VPS13D: variants seen among roughly 807,000 people sequenced by gnomAD.
VPS13D encodes intermembrane lipid transfer protein VPS13D.
Under a neutral mutation model 461.9 loss-of-function variants are expected in VPS13D, and 187 were observed. The observed-to-expected ratio is 0.40, with a 90% CI of 0.36 to 0.46. The LOEUF is 0.46. Among genes scored for constraint, VPS13D ranks in the 20% least tolerant of loss-of-function variants. The probability of loss-of-function intolerance (pLI) is 0.60; values close to 1 mark genes in which losing one functional copy is unlikely to be tolerated. For missense variants in VPS13D, 4,711 were observed against 5,364.9 expected (o/e 0.88, Z 3.81); for synonymous variants, 1,951 against 1,986.3 (o/e 0.98, Z 0.47).
In VPS13D at chr1:12,446,437, A is replaced by G. The variant is rs571440285; in HGVS notation, c.12334-9561A>G. ...CTCTCAAAAAAGAAAAAAAAAAAAA[A>G]GAACAATGGCAAAGATCAAGAGGAA... On this transcript the variant is annotated intron_variant, in intron 65 of 69. Transcript: ENST00000620676. Among the ~76,000 whole-genome samples, 259 of 151,974 alleles carry G rather than the reference A, an allele frequency of 1.7e-3. 1 individual carries two copies. The highest frequency in any genetic ancestry group is 2.9e-3 in the Non-Finnish European group (199 of 67,938).
intron 66 of VPS13D, among the ~76,000 whole-genome samples, chr1:12,459,318 G>A (rs902861650): frequency 6.6e-6 from 1 of 152,166 alleles, no homozygotes; most frequent in African/African-American, 2.4e-5. Flanking sequence ...ATACAGGACG[G>A]TGTGTGTAGG....
rs574610010 is a variant in VPS13D, at chr1:12,471,361, G to A, written c.12662+10965G>A. ...ATTTTTACCTGAATTATTTTGCTACGACAAATTTATCTTTCAAATTAGATT... is the reference window on the plus strand; with the variant it reads ...ATTTTTACCTGAATTATTTTGCTACAACAAATTTATCTTTCAAATTAGATT... On this transcript the variant is annotated intron_variant, in intron 67 of 69. Transcript: ENST00000620676. Among the ~76,000 whole-genome samples the A allele has an allele frequency of 2.0e-4, 30 of 152,236 alleles. No homozygotes were observed. The South Asian group carries it at 2.7e-3, about 14-fold the overall frequency.
At position 12,509,295 on chromosome 1, in the gene VPS13D, T is replaced by C. The variant is rs768529461; in HGVS notation, c.*271T>C. The C allele has an allele frequency of 7.5e-6, 3 of 400,470 alleles. No homozygotes were observed. Among genetic ancestry groups the C allele is most frequent in the Non-Finnish European group, 1.3e-5 (3 of 224,174 alleles). 24.8% of individuals were successfully genotyped at this position (400,470 alleles called of 1,614,324 possible). A position where few individuals can be genotyped will look rare whatever the true frequency, so the allele number is the denominator to read the frequency against. On this transcript the variant is annotated 3_prime_UTR_variant, in exon 70 of 70. Transcript: ENST00000620676. ...CATGTACTGAGATGAATCTAATTTT[T>C]AGATTGCCCTGTATTTTGTTAACAT...
In VPS13D at chr1:12,237,137, ATG is replaced by A. The variant is rs1201250325; in HGVS notation, c.97+2784_97+2785del. On this transcript the variant is annotated intron_variant, in intron 2 of 69. Coordinates refer to ENST00000620676, the MANE Select transcript of VPS13D (RefSeq NM_015378.4). ...TATATATATCTGTGTGTGTATATAT[ATG>A]TGTGTGTGTATATATATGTAGATTG... Among the ~76,000 whole-genome samples, 11 of 148,078 alleles carry A rather than the reference ATG, an allele frequency of 7.4e-5. No individual in the cohort carries two copies. In the East Asian group the frequency reaches 1.5e-3, roughly 21 times the overall value.
Position 12,322,604 on chromosome 1 carries a change from A to G in VPS13D, c.7773A>G (p.Lys2591=). The change falls in exon 34 of 70, where the codon AAA becomes AAG. Residue 2591 remains lysine (K), a synonymous_variant. Transcript: ENST00000620676. ...TTCAGCTGTTTCTTGCCATTGCAAA[A>G]TCCATCCCAGAGCAAGCTAATGCTG... ...NDVQLFLAIA[K]SIPEQANAAV... is the part of the protein sequence containing the mutation. The G allele has an allele frequency of 2.5e-6, 4 of 1,614,210 alleles. No individual in the cohort carries two copies. The highest frequency in any genetic ancestry group is 3.4e-6 in the Non-Finnish European group (4 of 1,180,038).
intron 67 of VPS13D, chr1:12,497,242 G>A (rs1645971624): frequency 7.9e-6 from 2 of 253,166 alleles, no homozygotes; most frequent in Non-Finnish European, 1.5e-5. Context: ...GAGAGAAAAC[G>A]GAAACTGAGG....
Position 12,433,270 on chromosome 1 carries a change from A to C in VPS13D, c.12333+16443A>C, listed in dbSNP as rs933528822. On this transcript the variant is annotated intron_variant, in intron 65 of 69. Transcript: ENST00000620676. Reference sequence around the variant, plus strand: ...TGGAACGCTTGGGGAAAAAAAAAAAACAAAAAAACAAAAAAACAACAACAA... The same window carrying C: ...TGGAACGCTTGGGGAAAAAAAAAAACCAAAAAAACAAAAAAACAACAACAA... Among the ~76,000 whole-genome samples the C allele has an allele frequency of 4.7e-5, 7 of 150,298 alleles. No individual in the cohort carries two copies. The South Asian group carries it at 8.4e-4, about 18-fold the overall frequency.
At chr1:12,385,218 G>A (rs1218632015) in intron 58 of VPS13D, 42 bp from the exon 59 acceptor site, 2 of 1,518,574 alleles carry the variant, frequency 1.3e-6, no homozygotes, top group Non-Finnish European at 1.8e-6. Flanking sequence ...TTTCAATAAG[G>A]AAGAGTGAAT....
Position 12,311,845 on chromosome 1 carries a change from G to A in VPS13D, c.6855G>A (p.Met2285Ile). 1 of 1,614,172 alleles carries A rather than the reference G, an allele frequency of 6.2e-7. No individual in the cohort carries two copies. The highest frequency in any genetic ancestry group is 8.5e-7 in the Non-Finnish European group (1 of 1,180,030). Residue 2285 changes from methionine (M) to isoleucine (I), a missense_variant, in exon 29 of 70, where the codon ATG becomes ATA. By Grantham distance (10) the Met-to-Ile change is conservative. Transcript: ENST00000620676. ...TVLSGEVYTC[M>I]CFLIDMVNVS... ...TGAGTGGAGAAGTGTACACCTGTAT[G>A]TGCTTCCTCATTGATATGGTGAATG...
At chr1:12,479,398 A>G (rs1018208087) in intron 67 of VPS13D, among the ~76,000 whole-genome samples, 2 of 152,236 alleles carry the variant, frequency 1.3e-5, no homozygotes, top group Admixed American at 1.3e-4. Flanking sequence ...GCTTGTCTGC[A>G]ATGGACAATG....
intron 67 of VPS13D, among the ~76,000 whole-genome samples, chr1:12,488,897 A>G (rs1444517182): frequency 2.0e-5 from 3 of 152,186 alleles, no homozygotes; most frequent in African/African-American, 4.8e-5. Flanking sequence ...CTGACTCAGA[A>G]TGTTCTACTT....
In VPS13D at chr1:12,510,492, C is replaced by G. The variant is rs3737609; in HGVS notation, c.*1468C>G. The G allele has an allele frequency of 0.01, 1,589 of 152,652 alleles. 45 individuals are homozygous for G. Among genetic ancestry groups the G allele is most frequent in the East Asian group, 0.058 (298 of 5,172 alleles). 9.5% of individuals were successfully genotyped at this position (152,652 alleles called of 1,614,324 possible). A position where few individuals can be genotyped will look rare whatever the true frequency, so the allele number is the denominator to read the frequency against. On this transcript the variant is annotated 3_prime_UTR_variant, in exon 70 of 70. Coordinates refer to ENST00000620676, the MANE Select transcript of VPS13D (RefSeq NM_015378.4). The stretch of plus-strand genomic sequence containing the variant: ...AATGAAGCTAATCTTCTTCCCCTCC[C>G]TTTCCTCTCCCACTTCCCCTCTGTG...
Position 12,283,302 on chromosome 1 carries a change from A to G in VPS13D, c.5200A>G (p.Asn1734Asp). Residue 1734 changes from asparagine (N) to aspartate (D), a missense_variant, in exon 21 of 70, where the codon AAT (asparagine) becomes GAT (aspartate). Transcript: ENST00000620676. ...CCCTTCCCACATGGAAGAAGCTCCT[A>G]ATGTCTTCCAGTTGTATCAAAGGCC... is the stretch of plus-strand genomic sequence containing the variant. ...SLPSHMEEAP[N>D]VFQLYQRPTS... 2 of 1,614,080 alleles carry G rather than the reference A, an allele frequency of 1.2e-6. No homozygotes were observed. Among genetic ancestry groups the G allele is most frequent in the South Asian group, 2.2e-5 (2 of 91,074 alleles).
chr1:12,376,371 C>T (rs1644198856), intron 55 of VPS13D, among the ~76,000 whole-genome samples: 2 of 152,202 alleles, frequency 1.3e-5, no homozygotes, highest in South Asian at 4.1e-4. Context: ...CAACTGACCT[C>T]CCAGGTTTGC....
chr1:12,494,720 G>A (rs532890492), intron 67 of VPS13D, among the ~76,000 whole-genome samples: 45 of 152,304 alleles, frequency 3.0e-4, no homozygotes, highest in Non-Finnish European at 5.3e-4. Context: ...GGACACTGCC[G>A]TCATGTCCCT....
intron 31 of VPS13D, 67 bp from the exon 32 acceptor site, chr1:12,319,430 G>GTTTGCAACAGCCTGGTGTTTTCCA: frequency 6.3e-7 from 1 of 1,598,794 alleles, no homozygotes. Context: ...TCGCTGCCTT[G>GTTTGCAACAGCCTGGTGTTTTCCA]TTTGCAACAG....
chr1:12,483,154 C>T (rs895190736), intron 67 of VPS13D, among the ~76,000 whole-genome samples: 1 of 152,180 alleles, frequency 6.6e-6, no homozygotes, highest in African/African-American at 2.4e-5. Flanking sequence ...GTACTCCCAC[C>T]CACAGTGTGT....
intron 55 of VPS13D, among the ~76,000 whole-genome samples, chr1:12,375,852 C>T (rs1644190848): frequency 6.6e-6 from 1 of 152,204 alleles, no homozygotes; most frequent in Non-Finnish European, 1.5e-5. Flanking sequence ...CACCCCAACC[C>T]CCATCCCCAC....
intron 10 of VPS13D, among the ~76,000 whole-genome samples, chr1:12,260,331 T>C (rs540621797): frequency 1.3e-5 from 2 of 152,262 alleles, no homozygotes; most frequent in East Asian, 3.9e-4. Context: ...GGCCACACTT[T>C]AGTGACTCTT....
Sources: gnomAD v4.1 joint callset for allele counts (sites outside exome capture counted in the v4.1 genomes callset) on GRCh38, gnomAD v4.1.1 for gene constraint, MANE v1.5 for transcripts, NCBI Gene and HGNC (gene_info 2026-07-23, HGNC 2026-07-21) for gene names.